FOXK1: variants seen among roughly 807,000 people sequenced by gnomAD.
FOXK1 encodes the protein forkhead box K1.
A neutral mutation model predicts 51.9 loss-of-function variants in FOXK1; 19 were observed. The observed-to-expected ratio is 0.37, with a 90% CI of 0.26 to 0.54. The LOEUF is 0.54. FOXK1 is among the 20% of genes least tolerant of loss of function. FOXK1 has a pLI of 0.87. For synonymous variants in FOXK1, 537 were observed against 482.6 expected (o/e 1.11, Z -1.48); for missense variants, 870 against 1,032.7 (o/e 0.84, Z 2.16).
chr7:4,739,235 C>T (rs551417057), intron 1 of FOXK1, among the ~76,000 whole-genome samples: 5 of 152,156 alleles, frequency 3.3e-5, no homozygotes, highest in African/African-American at 2.4e-5. Context: ...GTACTTTGCC[C>T]GTCCTGAATG....
At chr7:4,736,151 AAAAT>A (rs1303256289) in intron 1 of FOXK1, among the ~76,000 whole-genome samples, 6 of 152,300 alleles carry the variant, frequency 3.9e-5, no homozygotes, top group African/African-American at 1.2e-4. Context: ...TCTGTTTCAA[AAAAT>A]AAATAAAATC....
At chr7:4,725,471 C>T (rs972408068) in intron 1 of FOXK1, among the ~76,000 whole-genome samples, 1 of 152,246 alleles carries the variant, frequency 6.6e-6, no homozygotes, top group African/African-American at 2.4e-5. Context: ...ACACGGCCTC[C>T]TGCCCACAGG....
chr7:4,682,629 G>A lies in FOXK1; in HGVS notation c.321G>A (p.Ala107=). ...GGCAGAGCCCGGGGCCGGCGCTGGCGCGGCTGGAGGGCCGCGAGTTCGAGT... is the reference window on the plus strand; with the variant it reads ...GGCAGAGCCCGGGGCCGGCGCTGGCACGGCTGGAGGGCCGCGAGTTCGAGT... ...SVRQSPGPAL[A]RLEGREFEFL... The change falls in exon 1 of 9, where the codon GCG becomes GCA. Residue 107 remains alanine (A), a synonymous_variant. Transcript: ENST00000328914. This position sits in a 1 kb window ranked among gnomAD's most constrained non-coding sequence, Gnocchi z 7.6. The A allele has an allele frequency of 6.5e-7, 1 of 1,532,076 alleles. No individual in the cohort carries two copies. The highest frequency in any genetic ancestry group is 1.2e-5 in the South Asian group (1 of 83,114). The allele number at this position is 1,532,076 out of a possible 1,614,324, so 94.9% of individuals were successfully genotyped here. A position where few individuals can be genotyped will look rare whatever the true frequency, so the allele number is the denominator to read the frequency against.
At chr7:4,686,702 T>C (rs1387968480) in intron 1 of FOXK1, among the ~76,000 whole-genome samples, 1 of 152,198 alleles carries the variant, frequency 6.6e-6, no homozygotes, top group Non-Finnish European at 1.5e-5. Flanking sequence ...CTATTAGGTA[T>C]GCAACAACTG....
At chr7:4,754,740 G>C (rs1780821285) in intron 3 of FOXK1, 125 bp downstream of exon 3, 1 of 1,210,308 alleles carries the variant, frequency 8.3e-7, no homozygotes, top group South Asian at 1.5e-5. Context: ...CAGCCCACAG[G>C]GAATGGAGCC....
In FOXK1 at chr7:4,683,207, C is replaced by G. The variant is rs910032096; in HGVS notation, c.560+339C>G. Among the ~76,000 whole-genome samples the G allele has an allele frequency of 4.0e-5, 6 of 151,520 alleles. No individual in the cohort carries two copies. The highest frequency in any genetic ancestry group is 1.5e-4 in the African/African-American group (6 of 41,254). On this transcript the variant is annotated intron_variant, in intron 1 of 8. Coordinates refer to ENST00000328914, the MANE Select transcript of FOXK1 (RefSeq NM_001037165.2). The surrounding 1 kb of genome is among the most constrained non-coding windows in gnomAD (Gnocchi z 4.5). Reference sequence around the variant, plus strand: ...TTGCGGCTCCTGGGGTCACCCCTGACCTCATCTCCCACCGGCCTGGGCTCC... The same window carrying G: ...TTGCGGCTCCTGGGGTCACCCCTGAGCTCATCTCCCACCGGCCTGGGCTCC...
intron 1 of FOXK1, among the ~76,000 whole-genome samples, chr7:4,685,899 C>G (rs992631448): frequency 6.6e-6 from 1 of 151,112 alleles, no homozygotes; most frequent in Admixed American, 6.6e-5. Flanking sequence ...GCTGAGATCA[C>G]GCCACTGCAC....
chr7:4,692,069 C>A (rs537619973), intron 1 of FOXK1, among the ~76,000 whole-genome samples: 1 of 152,028 alleles, frequency 6.6e-6, no homozygotes, highest in South Asian at 2.1e-4. Context: ...TTAAAATATG[C>A]ATATTTATTT....
At chr7:4,713,062 T>C (rs2115042405) in intron 1 of FOXK1, among the ~76,000 whole-genome samples, 1 of 152,320 alleles carries the variant, frequency 6.6e-6, no homozygotes, top group East Asian at 1.9e-4. Flanking sequence ...ACTCCACATC[T>C]GGAGCTCATA....
At chr7:4,736,403 G>T (rs1237310288) in intron 1 of FOXK1, among the ~76,000 whole-genome samples, 1 of 150,448 alleles carries the variant, frequency 6.6e-6, no homozygotes, top group East Asian at 1.9e-4. Context: ...ATATCATCTA[G>T]AATCAGTTTT....
Position 4,764,309 on chromosome 7 carries a change from C to T in FOXK1, c.*1845C>T, listed in dbSNP as rs181621140. 1.3e-3 allele frequency: 206 copies of T among 154,514 alleles called. 2 individuals are homozygous for T. The highest frequency in any genetic ancestry group is 7.3e-3 in the Middle Eastern group (14 of 1,930). 9.6% of individuals were successfully genotyped at this position (154,514 alleles called of 1,614,324 possible). On this transcript the variant is annotated 3_prime_UTR_variant, in exon 9 of 9. Transcript: ENST00000328914. ...TCCCGTGTCCCGTTGTTTTTCTAAGCCCCCCGAATTGAGTCGTTTCTATGG... is the reference window on the plus strand; with the variant it reads ...TCCCGTGTCCCGTTGTTTTTCTAAGTCCCCCGAATTGAGTCGTTTCTATGG...
intron 7 of FOXK1, among the ~76,000 whole-genome samples, chr7:4,760,372 C>G (rs1231445097): frequency 6.6e-6 from 1 of 152,172 alleles, no homozygotes; most frequent in African/African-American, 2.4e-5. Flanking sequence ...TAGGCAGCGC[C>G]CTCCTAGGCC....
At chr7:4,689,268 G>C (rs1183336989) in intron 1 of FOXK1, among the ~76,000 whole-genome samples, 2 of 152,110 alleles carry the variant, frequency 1.3e-5, no homozygotes, top group Admixed American at 1.3e-4. Flanking sequence ...GTGAGCCACT[G>C]CACCCGGCCA....
At position 4,729,777 on chromosome 7, in the gene FOXK1, C is replaced by T. The variant is rs1384851222; in HGVS notation, c.561-11061C>T. On this transcript the variant is annotated intron_variant, in intron 1 of 8. Coordinates refer to ENST00000328914, the MANE Select transcript of FOXK1 (RefSeq NM_001037165.2). This position sits in a 1 kb window ranked among gnomAD's most constrained non-coding sequence, Gnocchi z 6.2. The stretch of plus-strand genomic sequence containing the variant: ...GGCCAAGGCAGGTGGATCACCTGAG[C>T]TCAGGAGTTTGAGACCAGCCTGGCC... 6.6e-6 allele frequency among the ~76,000 whole-genome samples: 1 copy of T among 152,114 alleles called. No homozygotes were observed. The highest frequency in any genetic ancestry group is 1.5e-5 in the Non-Finnish European group (1 of 68,004).
rs556075353 is a variant in FOXK1, at chr7:4,715,152, G to A, written c.561-25686G>A. On this transcript the variant is annotated intron_variant, in intron 1 of 8. Transcript: ENST00000328914. The surrounding 1 kb of genome is among the most constrained non-coding windows in gnomAD (Gnocchi z 4.5). ...ATAGTGCACGGTGGAATTGTGATACGGTACATGGTGGAACTGTGACGATAC... is the reference window on the plus strand; with the variant it reads ...ATAGTGCACGGTGGAATTGTGATACAGTACATGGTGGAACTGTGACGATAC... Among the ~76,000 whole-genome samples, 20 of 152,206 alleles carry A rather than the reference G, an allele frequency of 1.3e-4. No individual in the cohort carries two copies. The East Asian group carries it at 3.7e-3, about 28-fold the overall frequency.
chr7:4,718,912 C>T (rs1016127026), intron 1 of FOXK1, among the ~76,000 whole-genome samples: 21 of 152,068 alleles, frequency 1.4e-4, no homozygotes, highest in African/African-American at 3.1e-4. Flanking sequence ...GGGGTTCAAG[C>T]GATTCTCCTG....
intron 1 of FOXK1, among the ~76,000 whole-genome samples, chr7:4,698,710 GC>G (rs1779983027): frequency 6.6e-6 from 1 of 151,986 alleles, no homozygotes; most frequent in Non-Finnish European, 1.5e-5. Flanking sequence ...GTGCCACCAC[GC>G]CCTGCTAATT....
At chr7:4,740,703 G>A (rs899607085) in intron 1 of FOXK1, 135 bp from the exon 2 acceptor site, 9 of 820,504 alleles carry the variant, frequency 1.1e-5, no homozygotes, top group African/African-American at 1.8e-5. Context: ...TAAAAGCATC[G>A]AAACTGCTCT....
chr7:4,685,602 T>C (rs1383175252), intron 1 of FOXK1, among the ~76,000 whole-genome samples: 2 of 151,802 alleles, frequency 1.3e-5, no homozygotes, highest in Non-Finnish European at 2.9e-5. Flanking sequence ...GTCATAAACT[T>C]TTTTGGTTAG....
Sources: gnomAD v4.1 joint callset for allele counts (sites outside exome capture counted in the v4.1 genomes callset) on GRCh38, gnomAD v4.1.1 for gene constraint, Gnocchi (gnomAD v3.1) non-coding constraint, MANE v1.5 for transcripts, NCBI Gene and HGNC (gene_info 2026-07-23, HGNC 2026-07-21) for gene names.